Variants in ACSL6 observed in about 807,000 individuals in gnomAD.
The protein encoded by ACSL6 is acyl-CoA synthetase long chain family member 6.
ACSL6 carries 47 observed loss-of-function variants against 98.2 expected under a neutral mutation model. That is an observed-to-expected ratio of 0.48 (90% confidence interval 0.38 to 0.61). ACSL6 has a LOEUF of 0.61. Among genes scored for constraint, ACSL6 ranks in the 20% least tolerant of loss-of-function variants. ACSL6 has a pLI of 0.00. For synonymous variants in ACSL6, 362 were observed against 336.9 expected, an observed-to-expected ratio of 1.07 and a Z score of -0.82; for missense variants, 761 against 913.4, an observed-to-expected ratio of 0.83 and a Z score of 2.15.
intron 9 of ACSL6, among the ~76,000 whole-genome samples, chr5:131,981,469 CA>C (rs57948366): frequency 0.37 from 55,854 of 151,914 alleles, 12,448 homozygotes; most frequent in African/African-American, 0.63. Context: ...CATAGAACAT[CA>C]ACCAGCATCC....
At position 131,986,660 on chromosome 5, in the gene ACSL6, G is replaced by A. The variant is rs147092453; in HGVS notation, c.864+162C>T. ...GTTCCAGGTCCTTCCCTGGGCCCTC[G>A]GCCCACAGAAGTCCTGGACACTCAA... On this transcript the variant is annotated intron_variant, in intron 8 of 20. Transcript: ENST00000651883. Among the ~76,000 whole-genome samples, 671 of 152,164 alleles carry A rather than the reference G, an allele frequency of 4.4e-3. 5 individuals are homozygous for A. The highest frequency in any genetic ancestry group is 0.015 in the African/African-American group (623 of 41,520).
Position 131,953,977 on chromosome 5 carries a change from G to GA in ACSL6, c.*256dup. 2 of 288,232 alleles carry GA rather than the reference G, an allele frequency of 6.9e-6. No individual in the cohort carries two copies. The highest frequency in any genetic ancestry group is 6.4e-6 in the Non-Finnish European group (1 of 156,248). 17.9% of individuals were successfully genotyped at this position (288,232 alleles called of 1,614,324 possible). A position where few individuals can be genotyped will look rare whatever the true frequency, so the allele number is the denominator to read the frequency against. ...ACTTTTAGTGGTACACAGTTCTTGA[G>GA]AAAATGTCTTGATTTTTACATTGCC... is the stretch of plus-strand genomic sequence containing the variant. On this transcript the variant is annotated 3_prime_UTR_variant, in exon 21 of 21. Transcript: ENST00000651883.
At position 131,952,522 on chromosome 5, in the gene ACSL6, T is replaced by G. The variant is rs998244264; in HGVS notation, c.*1712A>C. 2 of 216,042 alleles carry G rather than the reference T, an allele frequency of 9.3e-6. No individual in the cohort carries two copies. The highest frequency in any genetic ancestry group is 4.5e-5 in the African/African-American group (2 of 44,400). 13.4% of individuals were successfully genotyped at this position (216,042 alleles called of 1,614,324 possible). On this transcript the variant is annotated 3_prime_UTR_variant, in exon 21 of 21. Coordinates refer to ENST00000651883, the MANE Select transcript of ACSL6 (RefSeq NM_001009185.3). Reference sequence around the variant, plus strand: ...AAAGGAGCTTCTAGACTACAAACACTGAGCACATACATTTTAAATTAACAC... The same window carrying G: ...AAAGGAGCTTCTAGACTACAAACACGGAGCACATACATTTTAAATTAACAC...
In ACSL6 at chr5:131,971,733, C is replaced by A. The variant is rs78711784; in HGVS notation, c.1339-88G>T. On this transcript the variant is annotated intron_variant, in intron 13 of 20. Transcript: ENST00000651883. ...GGTTTCATCCAAGGTCAACATCCAA[C>A]AACTGGGTCCTACCTGGATGCTAGG... is the stretch of plus-strand genomic sequence containing the variant. 1,929 of 1,127,052 alleles carry A rather than the reference C, an allele frequency of 1.7e-3. 26 individuals carry two copies. The African/African-American group carries it at 0.027, about 16-fold the overall frequency. 69.8% of individuals were successfully genotyped at this position (1,127,052 alleles called of 1,614,324 possible).
At chr5:132,008,489 G>A (rs1413607305) in intron 1 of ACSL6, among the ~76,000 whole-genome samples, 2 of 152,198 alleles carry the variant, frequency 1.3e-5, no homozygotes, top group African/African-American at 4.8e-5. Flanking sequence ...CATGACTCAA[G>A]CCATCCTTGG....
At chr5:131,959,843 A>T in intron 19 of ACSL6, 1 of 532,674 alleles carries the variant, frequency 1.9e-6, no homozygotes, top group Non-Finnish European at 3.3e-6. Flanking sequence ...GGACCACTCA[A>T]TTTTTTTTTA....
chr5:131,990,043 C>T, intron 4 of ACSL6, 57 bp downstream of exon 4: 1 of 1,582,456 alleles, frequency 6.3e-7, no homozygotes, highest in Non-Finnish European at 8.6e-7. Flanking sequence ...TCCCTACCTG[C>T]CCTGAGTGCC....
rs1752249091 is a variant in ACSL6, at chr5:131,953,482, T to G, written c.*752A>C. 2 of 189,860 alleles carry G rather than the reference T, an allele frequency of 1.1e-5. No homozygotes were observed. Among genetic ancestry groups the G allele is most frequent in the Admixed American group, 1.2e-4 (2 of 16,226 alleles). The allele number at this position is 189,860 out of a possible 1,614,324, so 11.8% of individuals were successfully genotyped here. A position where few individuals can be genotyped will look rare whatever the true frequency, so the allele number is the denominator to read the frequency against. ...CAGGTGTGGTGGCATGTGCCTGTAC[T>G]GTAGTCTCAGCTACTTGGGAGGTGA... On this transcript the variant is annotated 3_prime_UTR_variant, in exon 21 of 21. Coordinates refer to ENST00000651883, the MANE Select transcript of ACSL6 (RefSeq NM_001009185.3).
chr5:131,958,506 C>T (rs145317687), intron 20 of ACSL6, among the ~76,000 whole-genome samples: 175 of 152,290 alleles, frequency 1.1e-3, no homozygotes, highest in African/African-American at 4.1e-3. Flanking sequence ...TTACCCAGGC[C>T]TAAATTGCCC....
At chr5:131,956,670 T>C (rs1005402106) in intron 20 of ACSL6, among the ~76,000 whole-genome samples, 2 of 152,240 alleles carry the variant, frequency 1.3e-5, no homozygotes, top group African/African-American at 4.8e-5. Flanking sequence ...TGACACTGAC[T>C]TTAACTACGG....
chr5:131,960,925 C>T (rs1015208523), intron 18 of ACSL6: 7 of 235,056 alleles, frequency 3.0e-5, no homozygotes, highest in Non-Finnish European at 5.7e-5. Context: ...GCAAACAACT[C>T]TCTGATCCAA....
chr5:131,999,375 C>G (rs1754953659), intron 1 of ACSL6: 1 of 152,246 alleles, frequency 6.6e-6, no homozygotes, highest in African/African-American at 2.4e-5. Flanking sequence ...CAAAGGGGCT[C>G]AAAGACAACT....
intron 1 of ACSL6, among the ~76,000 whole-genome samples, chr5:131,998,546 G>A (rs1347239167): frequency 6.6e-6 from 1 of 152,162 alleles, no homozygotes; most frequent in Admixed American, 6.5e-5. Context: ...CAAAGCCCCA[G>A]AGCACAGTCA....
chr5:131,964,946 GAGTGTGCCCCC>G lies in ACSL6; in HGVS notation c.1713+1459_1713+1469del, dbSNP rs1181257755. On this transcript the variant is annotated intron_variant, in intron 17 of 20. Coordinates refer to ENST00000651883, the MANE Select transcript of ACSL6 (RefSeq NM_001009185.3). ...TGTCCTCCTCTGCCTCTCCCGAGGTGAGTGTGCCCCCAGTGTGCCCCCAGCTCATGCCCATC... is the reference window on the plus strand; with the variant it reads ...TGTCCTCCTCTGCCTCTCCCGAGGTGAGTGTGCCCCCAGCTCATGCCCATC... 3.9e-5 allele frequency among the ~76,000 whole-genome samples: 6 copies of G among 152,318 alleles called. No individual in the cohort carries two copies. The East Asian group carries it at 9.6e-4, about 24-fold the overall frequency.
At chr5:131,977,162 C>T (rs1753664979) in intron 9 of ACSL6, among the ~76,000 whole-genome samples, 1 of 152,244 alleles carries the variant, frequency 6.6e-6, no homozygotes, top group Admixed American at 6.5e-5. Context: ...TTCTCTGCTG[C>T]ATTTGGCACC....
At chr5:131,981,132 C>T (rs1010997727) in intron 9 of ACSL6, among the ~76,000 whole-genome samples, 2 of 151,986 alleles carry the variant, frequency 1.3e-5, no homozygotes, top group African/African-American at 4.8e-5. Flanking sequence ...CTCCTTTCTC[C>T]CCCACCCACA....
At chr5:131,963,855 T>C (rs765864520) in intron 17 of ACSL6, among the ~76,000 whole-genome samples, 4 of 152,176 alleles carry the variant, frequency 2.6e-5, no homozygotes, top group Admixed American at 1.3e-4. Context: ...CCCCAGCTTA[T>C]TTGGTCCTCA....
chr5:131,994,472 C>T, intron 1 of ACSL6: 1 of 554,120 alleles, frequency 1.8e-6, no homozygotes, highest in Non-Finnish European at 3.2e-6. Context: ...GATGTCCTGC[C>T]CACTTTTCCT....
At chr5:131,989,286 C>T in intron 5 of ACSL6, 121 bp downstream of exon 5, 1 of 983,434 alleles carries the variant, frequency 1.0e-6, no homozygotes, top group Non-Finnish European at 1.5e-6. Context: ...GGTGGCATAG[C>T]CCAAGGGTCT....
Sources: allele counts gnomAD v4.1 joint callset (sites outside exome capture counted in the v4.1 genomes callset), GRCh38; gene constraint gnomAD v4.1.1; transcripts MANE v1.5; gene names NCBI Gene and HGNC (gene_info 2026-07-23, HGNC 2026-07-21).